SYNPR: variants seen among roughly 807,000 people sequenced by gnomAD.
SYNPR encodes synaptoporin.
A neutral mutation model predicts 32.9 loss-of-function variants in SYNPR; 23 were observed. That is an observed-to-expected ratio of 0.70 (90% CI 0.50 to 0.99). The LOEUF (loss-of-function observed/expected upper bound fraction) is 0.99, where lower values mean the gene tolerates loss of function less well. Ranked by LOEUF, SYNPR falls within the 50% of genes least tolerant of loss-of-function variation. The probability of loss-of-function intolerance (pLI) is 0.00; values close to 1 mark genes in which losing one functional copy is unlikely to be tolerated. For synonymous variants in SYNPR, 146 were observed against 135.9 expected (o/e 1.07, Z -0.52); for missense variants, 318 against 349.3 (o/e 0.91, Z 0.71).
At position 63,480,845 on chromosome 3, in the gene SYNPR, T is replaced by C. The variant is rs1701032691; in HGVS notation, c.98T>C (p.Phe33Ser). 1 of 1,613,298 alleles carries C rather than the reference T, an allele frequency of 6.2e-7. No homozygotes were observed. Among genetic ancestry groups the C allele is most frequent in the African/African-American group, 1.3e-5 (1 of 74,920 alleles). ...TGTTCTCCACAGCTTTTTGCAATCT[T>C]TGCATTTGCAACATGCGGTGGCTAT... is the stretch of plus-strand genomic sequence containing the variant. ...LRALELLFAI[F>S]AFATCGGYSG... The change falls in exon 3 of 6, where the codon TTT (phenylalanine) becomes TCT (serine). Residue 33 changes from phenylalanine (F) to serine (S), a missense_variant. By Grantham distance (155) the Phe-to-Ser change is radical. Transcript: ENST00000478300.
At chr3:63,211,233 A>C in the SYNPR span, among the ~76,000 whole-genome samples, 1 of 152,072 alleles carries the variant, frequency 6.6e-6, no homozygotes, top group African/African-American at 2.4e-5. Context: ...ACACCTGGCT[A>C]ATTTTTATAT....
intron 2 of SYNPR, among the ~76,000 whole-genome samples, chr3:63,297,833 G>T (rs2086806055): frequency 6.6e-6 from 1 of 152,110 alleles, no homozygotes; most frequent in South Asian, 2.1e-4. Flanking sequence ...GGGGCCACAG[G>T]ACTGGTTGAG....
At chr3:63,333,607 G>A (rs975120915) in intron 2 of SYNPR, among the ~76,000 whole-genome samples, 1 of 151,950 alleles carries the variant, frequency 6.6e-6, no homozygotes, top group African/African-American at 2.4e-5. Context: ...TGTAGAGATG[G>A]GAGTCTTCCT....
chr3:63,324,915 A>G (rs2087150161), intron 2 of SYNPR, among the ~76,000 whole-genome samples: 1 of 152,112 alleles, frequency 6.6e-6, no homozygotes, highest in South Asian at 2.1e-4. Flanking sequence ...CAAGAGGCAC[A>G]TGTTTTCCTA....
At chr3:63,515,360 C>T (rs1701776697) in intron 3 of SYNPR, among the ~76,000 whole-genome samples, 1 of 152,054 alleles carries the variant, frequency 6.6e-6, no homozygotes, top group South Asian at 2.1e-4. Flanking sequence ...CCTCCTTTTG[C>T]TTAATTAGAT....
intron 3 of SYNPR, among the ~76,000 whole-genome samples, chr3:63,489,294 A>G (rs1701213460): frequency 6.6e-6 from 1 of 152,162 alleles, no homozygotes; most frequent in African/African-American, 2.4e-5. Context: ...CCCCAATCCA[A>G]TTGGTCACTG....
intron 2 of SYNPR, among the ~76,000 whole-genome samples, chr3:63,263,253 A>G (rs1232433484): frequency 6.6e-6 from 1 of 152,222 alleles, no homozygotes; most frequent in African/African-American, 2.4e-5. Context: ...AGCAAAATAC[A>G]TCTGTCAGCC....
chr3:63,428,039 T>G (rs1281284901), intron 2 of SYNPR, among the ~76,000 whole-genome samples: 1 of 152,216 alleles, frequency 6.6e-6, no homozygotes, highest in Non-Finnish European at 1.5e-5. Context: ...TTTCCTTATC[T>G]TTTTTATTGT....
chr3:63,258,595 A>G (rs1357348026), intron 2 of SYNPR, among the ~76,000 whole-genome samples: 7 of 152,230 alleles, frequency 4.6e-5, no homozygotes, highest in Non-Finnish European at 1.0e-4. Context: ...AATTTATAGC[A>G]GTAAATGCCC....
intron 2 of SYNPR, among the ~76,000 whole-genome samples, chr3:63,460,690 C>A (rs1174096261): frequency 1.3e-5 from 2 of 151,224 alleles, no homozygotes; most frequent in Admixed American, 1.3e-4. Context: ...GACTTGAAGA[C>A]CGAAAGCCTT....
intron 3 of SYNPR, among the ~76,000 whole-genome samples, chr3:63,525,003 G>C (rs1371191276): frequency 6.6e-6 from 1 of 151,994 alleles, no homozygotes; most frequent in Non-Finnish European, 1.5e-5. Context: ...ATTCCAACCT[G>C]AGAGCTGTGT....
At chr3:63,223,857 C>G (rs1018765668), upstream of SYNPR, among the ~76,000 whole-genome samples, 1 of 152,056 alleles carries the variant, frequency 6.6e-6, no homozygotes, top group African/African-American at 2.4e-5. Flanking sequence ...GGTTTAGTTC[C>G]TTGAGAGCAG....
rs1321722208 is a variant in SYNPR at position 63,616,334 on chromosome 3, G to A, written c.*853G>A. The A allele has an allele frequency of 6.6e-6, 1 of 151,872 alleles. No homozygotes were observed. Among genetic ancestry groups the A allele is most frequent in the East Asian group, 1.9e-4 (1 of 5,182 alleles). 9.4% of individuals were successfully genotyped at this position (151,872 alleles called of 1,614,324 possible). ...TTATCTTGTGGACCATAAATAACACGGCCCAATAACTCTTTGTGTTTATGG... is the reference window on the plus strand; with the variant it reads ...TTATCTTGTGGACCATAAATAACACAGCCCAATAACTCTTTGTGTTTATGG... On this transcript the variant is annotated 3_prime_UTR_variant, in exon 6 of 6. Transcript: ENST00000478300.
At chr3:63,253,973 A>T (rs2086360314) in intron 2 of SYNPR, among the ~76,000 whole-genome samples, 1 of 152,206 alleles carries the variant, frequency 6.6e-6, no homozygotes, top group Non-Finnish European at 1.5e-5. Context: ...TACACCATGG[A>T]ATACTATGAA....
intron 2 of SYNPR, among the ~76,000 whole-genome samples, chr3:63,257,601 C>A (rs2106896409): frequency 6.6e-6 from 1 of 152,260 alleles, no homozygotes; most frequent in East Asian, 1.9e-4. Flanking sequence ...CCAGTAACAG[C>A]CACTGCAAAA....
intron 2 of SYNPR, among the ~76,000 whole-genome samples, chr3:63,428,908 G>A (rs1699936333): frequency 6.6e-6 from 1 of 152,146 alleles, no homozygotes; most frequent in Non-Finnish European, 1.5e-5. Context: ...CCAGATTCAA[G>A]GAGTGAGAAA....
At chr3:63,311,209 T>C (rs1467082441) in intron 2 of SYNPR, among the ~76,000 whole-genome samples, 1 of 151,994 alleles carries the variant, frequency 6.6e-6, no homozygotes, top group Non-Finnish European at 1.5e-5. Context: ...AGATGTAATA[T>C]ATTTTGTGAA....
chr3:63,387,859 G>A (rs2088074754), intron 2 of SYNPR, among the ~76,000 whole-genome samples: 1 of 152,186 alleles, frequency 6.6e-6, no homozygotes, highest in Non-Finnish European at 1.5e-5. Context: ...CTGCTATGTG[G>A]CACAGGTTGG....
At chr3:63,494,431 AT>A in intron 3 of SYNPR, among the ~76,000 whole-genome samples, 1 of 131,076 alleles carries the variant, frequency 7.6e-6, no homozygotes, top group African/African-American at 3.2e-5. Context: ...ATATATATAT[AT>A]ACGTATATAT....
Sources: gnomAD v4.1 joint callset for allele counts (sites outside exome capture counted in the v4.1 genomes callset) on GRCh38, gnomAD v4.1.1 for gene constraint, MANE v1.5 for transcripts, NCBI Gene and HGNC (gene_info 2026-07-23, HGNC 2026-07-21) for gene names.